TMEM74: variants seen among roughly 807,000 people sequenced by gnomAD.
The protein encoded by TMEM74 is transmembrane protein 74.
TMEM74 carries 13 observed loss-of-function variants against 18.1 expected under a neutral mutation model. That is an observed-to-expected ratio of 0.72 (90% CI 0.47 to 1.14). TMEM74 has a LOEUF of 1.14. Ranked by LOEUF, TMEM74 falls within the 50% of genes most tolerant of loss-of-function variation. The probability of loss-of-function intolerance (pLI) is 0.00; values close to 1 mark genes in which losing one functional copy is unlikely to be tolerated. For synonymous variants in TMEM74, 159 were observed against 146.6 expected (o/e 1.08, Z -0.61); for missense variants, 372 against 375.9 (o/e 0.99, Z 0.09).
At chr8:108,766,453 G>A (rs1814108212) in intron 1 of TMEM74, among the ~76,000 whole-genome samples, 1 of 152,098 alleles carries the variant, frequency 6.6e-6, no homozygotes, top group Non-Finnish European at 1.5e-5. Flanking sequence ...TAGATTCAAA[G>A]TAATTTTCCA....
At chr8:108,666,084 A>G (rs1202396988) in intron 1 of TMEM74, among the ~76,000 whole-genome samples, 1 of 152,200 alleles carries the variant, frequency 6.6e-6, no homozygotes, top group Non-Finnish European at 1.5e-5. Context: ...AAACATTTAA[A>G]TAATAAGAAT....
At chr8:108,656,483 C>T (rs909973127) in intron 1 of TMEM74, among the ~76,000 whole-genome samples, 1 of 152,202 alleles carries the variant, frequency 6.6e-6, no homozygotes, top group African/African-American at 2.4e-5. Flanking sequence ...TCTTCTTCCA[C>T]ATAGAGTTAC....
chr8:108,667,061 G>A (rs970172843), intron 1 of TMEM74, among the ~76,000 whole-genome samples: 3 of 152,122 alleles, frequency 2.0e-5, no homozygotes, highest in Admixed American at 1.3e-4. Context: ...GCAAGGAGAG[G>A]TCTAATTTCC....
intron 2 of TMEM74, chr8:108,626,591 G>A (rs143121613): frequency 6.6e-6 from 1 of 152,180 alleles, no homozygotes; most frequent in Admixed American, 6.6e-5. Flanking sequence ...CTGTGGAGGT[G>A]GTCTGGGCCA....
At chr8:108,687,889 C>T (rs1217591951) in intron 1 of TMEM74, among the ~76,000 whole-genome samples, 2 of 119,518 alleles carry the variant, frequency 1.7e-5, no homozygotes, top group African/African-American at 6.5e-5. Context: ...CCTAACAGGC[C>T]ACGTACAGGT....
chr8:108,723,404 G>T (rs952855864), intron 1 of TMEM74, among the ~76,000 whole-genome samples: 1 of 151,946 alleles, frequency 6.6e-6, no homozygotes, highest in Admixed American at 6.6e-5. Flanking sequence ...GGCTGACCAA[G>T]TTTGTAAATC....
intron 2 of TMEM74, among the ~76,000 whole-genome samples, chr8:108,647,138 A>G (rs999864965): frequency 6.6e-6 from 1 of 152,078 alleles, no homozygotes; most frequent in Non-Finnish European, 1.5e-5. Context: ...TGAGTCATGT[A>G]ATTTTGGAAA....
intron 1 of TMEM74, among the ~76,000 whole-genome samples, chr8:108,743,843 A>AG (rs1304387100): frequency 1.3e-5 from 2 of 152,092 alleles, no homozygotes; most frequent in African/African-American, 2.4e-5. Context: ...ACCTCCCTCC[A>AG]GGGGCACTCT....
intron 2 of TMEM74, among the ~76,000 whole-genome samples, chr8:108,621,537 A>T (rs1812440150): frequency 6.6e-6 from 1 of 152,148 alleles, no homozygotes; most frequent in Non-Finnish European, 1.5e-5. Context: ...ACAGCCAGGA[A>T]GTATGAAGCA....
chr8:108,747,548 T>G (rs977329703), intron 1 of TMEM74, among the ~76,000 whole-genome samples: 7 of 152,114 alleles, frequency 4.6e-5, no homozygotes, highest in African/African-American at 1.4e-4. Context: ...TCTCTCTCTC[T>G]CTCTCTCTTT....
At chr8:108,774,240 A>G (rs1814204061), downstream of TMEM74, among the ~76,000 whole-genome samples, 1 of 152,238 alleles carries the variant, frequency 6.6e-6, no homozygotes, top group African/African-American at 2.4e-5. Flanking sequence ...ATACTGCTGG[A>G]CTACATTTCC....
At chr8:108,706,506 G>T (rs1813397354) in intron 1 of TMEM74, among the ~76,000 whole-genome samples, 1 of 152,142 alleles carries the variant, frequency 6.6e-6, no homozygotes, top group South Asian at 2.1e-4. Context: ...TCAATGTACA[G>T]TAAATGTTTA....
At chr8:108,607,456 A>G (rs1812287723) in exon 4 of TMEM74, 1 of 152,248 alleles carries the variant, frequency 6.6e-6, no homozygotes, top group Admixed American at 6.5e-5. Flanking sequence ...CTAACATTTT[A>G]TTAAGAGAAT....
At chr8:108,608,876 T>G (rs984386078) in intron 2 of TMEM74, 1 of 152,202 alleles carries the variant, frequency 6.6e-6, no homozygotes, top group Non-Finnish European at 1.5e-5. Context: ...CTCTGAAAAT[T>G]TCTCTGGTTA....
intron 2 of TMEM74, among the ~76,000 whole-genome samples, chr8:108,621,538 G>A (rs1323616226): frequency 1.3e-5 from 2 of 152,158 alleles, no homozygotes; most frequent in African/African-American, 2.4e-5. Flanking sequence ...CAGCCAGGAA[G>A]TATGAAGCAG....
chr8:108,700,867 G>A (rs1813328850), intron 1 of TMEM74, among the ~76,000 whole-genome samples: 1 of 152,138 alleles, frequency 6.6e-6, no homozygotes, highest in Non-Finnish European at 1.5e-5. Context: ...GAGCTAATGG[G>A]CTTTTATCAT....
chr8:108,735,411 G>T (rs2130642239), intron 1 of TMEM74, among the ~76,000 whole-genome samples: 1 of 73,466 alleles, frequency 1.4e-5, no homozygotes, highest in African/African-American at 1.4e-4. Flanking sequence ...TCTACTTTCT[G>T]TATCTACAGT....
chr8:108,774,710 G>A (rs79124885), downstream of TMEM74, among the ~76,000 whole-genome samples: 30 of 151,964 alleles, frequency 2.0e-4, no homozygotes, highest in East Asian at 5.4e-3. Flanking sequence ...CAAAGTAAAT[G>A]GGCATGGATC....
intron 1 of TMEM74, among the ~76,000 whole-genome samples, chr8:108,703,198 A>G (rs1188337804): frequency 1.3e-5 from 2 of 152,224 alleles, no homozygotes; most frequent in Non-Finnish European, 2.9e-5. Flanking sequence ...AAGGAAGTTC[A>G]TATAGGATTT....
Sources: allele counts gnomAD v4.1 joint callset (sites outside exome capture counted in the v4.1 genomes callset), GRCh38; gene constraint gnomAD v4.1.1; transcripts MANE v1.5; gene names NCBI Gene and HGNC (gene_info 2026-07-23, HGNC 2026-07-21).